The following CAMTA1 variants were observed in gnomAD, a reference collection of about 807,000 sequenced individuals.
The protein encoded by CAMTA1 is calmodulin-binding transcription activator 1.
CAMTA1 carries 27 observed loss-of-function variants against 170.9 expected under a neutral mutation model. The ratio of observed to expected loss-of-function variants is 0.16; its 90% CI spans 0.12 to 0.22. CAMTA1 has a LOEUF of 0.22. Among genes scored for constraint, CAMTA1 ranks in the 10% least tolerant of loss-of-function variants. The pLI, the probability that CAMTA1 is intolerant of heterozygous loss-of-function variation, is 1.00. For synonymous variants in CAMTA1, 833 were observed against 891.5 expected (o/e 0.93, Z 1.17); for missense variants, 1,619 against 2,217.2 (o/e 0.73, Z 5.42).
In CAMTA1 at chr1:7,007,201, T is replaced by C. The variant is rs1028643744; in HGVS notation, c.235-84103T>C. 6.6e-6 allele frequency among the ~76,000 whole-genome samples: 1 copy of C among 152,048 alleles called. No homozygotes were observed. Among genetic ancestry groups the C allele is most frequent in the African/African-American group, 2.4e-5 (1 of 41,398 alleles). ...TGGCTGCGGCAAGGAACTGATCACATAGGATCTCACGTGGGGAGCATCGAC... is the reference window on the plus strand; with the variant it reads ...TGGCTGCGGCAAGGAACTGATCACACAGGATCTCACGTGGGGAGCATCGAC... On this transcript the variant is annotated intron_variant, in intron 3 of 22. Coordinates refer to ENST00000303635, the MANE Select transcript of CAMTA1 (RefSeq NM_015215.4). This position sits in a 1 kb window ranked among gnomAD's most constrained non-coding sequence, Gnocchi z 4.5.
chr1:7,534,862 G>T lies in CAMTA1; in HGVS notation c.510+66961G>T, dbSNP rs1271526817. On this transcript the variant is annotated intron_variant, in intron 6 of 22. Transcript: ENST00000303635. The surrounding 1 kb of genome is among the most constrained non-coding windows in gnomAD (Gnocchi z 5.6). ...TGAGGCTGCCTTGGGGCCAGAGGAAGTGGGTTTGCCTTTTGCCTGGTACAG... is the reference window on the plus strand; with the variant it reads ...TGAGGCTGCCTTGGGGCCAGAGGAATTGGGTTTGCCTTTTGCCTGGTACAG... Among the ~76,000 whole-genome samples, 1 of 152,218 alleles carries T rather than the reference G, an allele frequency of 6.6e-6. No homozygotes were observed. The highest frequency in any genetic ancestry group is 1.5e-5 in the Non-Finnish European group (1 of 68,030).
chr1:6,943,272 C>T (rs929529234), intron 3 of CAMTA1, among the ~76,000 whole-genome samples: 3 of 152,072 alleles, frequency 2.0e-5, no homozygotes, highest in Non-Finnish European at 4.4e-5. Context: ...TGGTTTTCCT[C>T]CCTCCTCTCA....
chr1:7,002,378 G>C (rs1351800194), intron 3 of CAMTA1, among the ~76,000 whole-genome samples: 1 of 152,198 alleles, frequency 6.6e-6, no homozygotes, highest in Admixed American at 6.5e-5. Flanking sequence ...CAGTGGGAAA[G>C]TGCTTTGAAA....
At chr1:6,845,350 C>CCT (rs1175798362) in intron 3 of CAMTA1, among the ~76,000 whole-genome samples, 7 of 152,188 alleles carry the variant, frequency 4.6e-5, no homozygotes, top group Non-Finnish European at 2.9e-5. Flanking sequence ...TCTGCTACCA[C>CCT]CTCTAACTAC....
chr1:6,885,062 A>C (rs1412863284), intron 3 of CAMTA1, among the ~76,000 whole-genome samples: 1 of 152,240 alleles, frequency 6.6e-6, no homozygotes, highest in Non-Finnish European at 1.5e-5. Flanking sequence ...AGTGGAAATT[A>C]AGCAAGAAAT....
intron 3 of CAMTA1, among the ~76,000 whole-genome samples, chr1:6,838,783 TTC>T (rs1221434722): frequency 1.3e-5 from 2 of 152,136 alleles, no homozygotes; most frequent in Admixed American, 6.5e-5. Context: ...CTGAGACAGA[TTC>T]TCTCTCTGTC....
In CAMTA1 at chr1:7,502,993, G is replaced by A. The variant is rs369887472; in HGVS notation, c.510+35092G>A. On this transcript the variant is annotated intron_variant, in intron 6 of 22. Transcript: ENST00000303635. ...ACACTAGAAGCTTCCTGTGGGCAACGGCCATGTCCATTTGGCTCTCTACTC... is the reference window on the plus strand; with the variant it reads ...ACACTAGAAGCTTCCTGTGGGCAACAGCCATGTCCATTTGGCTCTCTACTC... 2.2e-3 allele frequency among the ~76,000 whole-genome samples: 325 copies of A among 149,096 alleles called. 2 individuals are homozygous for A. The highest frequency in any genetic ancestry group is 7.0e-3 in the African/African-American group (287 of 40,944).
chr1:6,949,769 A>C lies in CAMTA1; in HGVS notation c.234+124559A>C, dbSNP rs137864956. On this transcript the variant is annotated intron_variant, in intron 3 of 22. Transcript: ENST00000303635. The stretch of plus-strand genomic sequence containing the variant: ...AGTTCATTTTTCAAAAGATGACATT[A>C]ACGTTGCATCCCCAAAGCCACACAA... 1.3e-4 allele frequency among the ~76,000 whole-genome samples: 20 copies of C among 152,368 alleles called. 1 individual carries two copies. In the East Asian group the frequency reaches 3.9e-3, roughly 29 times the overall value.
At chr1:6,800,879 G>A (rs964817423) in intron 1 of CAMTA1, among the ~76,000 whole-genome samples, 5 of 152,212 alleles carry the variant, frequency 3.3e-5, no homozygotes, top group South Asian at 2.1e-4. Flanking sequence ...TGAGAGGCAA[G>A]TTGAAGTTCC....
chr1:7,766,026 CAAAAAAA>C, intron 22 of CAMTA1, among the ~76,000 whole-genome samples: 1 of 71,400 alleles, frequency 1.4e-5, no homozygotes, highest in Middle Eastern at 7.0e-3. Flanking sequence ...GATTCTGTCT[CAAAAAAA>C]AAAAAAAAAA....
At chr1:6,973,251 T>G (rs1402956351) in intron 3 of CAMTA1, among the ~76,000 whole-genome samples, 1 of 152,182 alleles carries the variant, frequency 6.6e-6, no homozygotes, top group African/African-American at 2.4e-5. Flanking sequence ...TGACTGAAAT[T>G]TTATACATGT....
intron 5 of CAMTA1, among the ~76,000 whole-genome samples, chr1:7,465,708 C>T (rs1012448242): frequency 5.9e-5 from 9 of 152,152 alleles, no homozygotes; most frequent in Admixed American, 2.0e-4. Flanking sequence ...CAGGGGAAAG[C>T]GGGCCTGGGC....
chr1:7,705,718 A>T (rs2096514982), intron 11 of CAMTA1, among the ~76,000 whole-genome samples: 1 of 152,120 alleles, frequency 6.6e-6, no homozygotes, highest in South Asian at 2.1e-4. Context: ...TGCGCTCCTC[A>T]GCGGGTGCGG....
chr1:7,408,326 C>A (rs1007130077), intron 5 of CAMTA1, among the ~76,000 whole-genome samples: 28 of 152,254 alleles, frequency 1.8e-4, no homozygotes, highest in African/African-American at 6.3e-4. Context: ...AGCTGCTCCG[C>A]GTGTCTGTGG....
At chr1:6,793,012 A>AGT (rs1641549393) in intron 1 of CAMTA1, among the ~76,000 whole-genome samples, 3 of 143,310 alleles carry the variant, frequency 2.1e-5, no homozygotes, top group Admixed American at 1.4e-4. Context: ...TCTTCATACC[A>AGT]CTCATATATA....
intron 3 of CAMTA1, among the ~76,000 whole-genome samples, chr1:6,842,373 C>A (rs1256233184): frequency 6.6e-6 from 1 of 152,176 alleles, no homozygotes; most frequent in Non-Finnish European, 1.5e-5. Context: ...AGTCAGTGCT[C>A]CTCCTTCATA....
At chr1:7,053,210 G>A (rs768708153) in intron 3 of CAMTA1, among the ~76,000 whole-genome samples, 33 of 152,270 alleles carry the variant, frequency 2.2e-4, no homozygotes, top group Non-Finnish European at 4.3e-4. Flanking sequence ...CCTCTCCTGC[G>A]GTGGCAGCTT....
intron 11 of CAMTA1, among the ~76,000 whole-genome samples, chr1:7,688,594 T>C (rs1333659614): frequency 1.3e-5 from 2 of 152,094 alleles, no homozygotes; most frequent in East Asian, 3.9e-4. Flanking sequence ...ACACAAGTGC[T>C]GGTTGGGGGC....
chr1:7,512,477 C>T (rs944911666), intron 6 of CAMTA1, among the ~76,000 whole-genome samples: 6 of 152,278 alleles, frequency 3.9e-5, no homozygotes, highest in East Asian at 1.9e-4. Flanking sequence ...CTGACAGGAC[C>T]GCATAGTTAT....
Sources: allele counts gnomAD v4.1 joint callset (sites outside exome capture counted in the v4.1 genomes callset), GRCh38; gene constraint gnomAD v4.1.1; non-coding constraint Gnocchi (gnomAD v3.1); transcripts MANE v1.5; gene names NCBI Gene and HGNC (gene_info 2026-07-23, HGNC 2026-07-21).